COL6A5: variants seen among roughly 807,000 people sequenced by gnomAD.
The protein encoded by COL6A5 is collagen alpha-5(VI) chain.
In COL6A5, 48 loss-of-function variants were observed where a neutral mutation model predicts 65.6. That is an observed-to-expected ratio of 0.73 (90% CI 0.58 to 0.93). The LOEUF is 0.93. Ranked by LOEUF, COL6A5 falls within the 40% of genes least tolerant of loss-of-function variation. The pLI, the probability that COL6A5 is intolerant of heterozygous loss-of-function variation, is 0.00. For synonymous variants in COL6A5, 291 were observed against 322.8 expected (o/e 0.90, Z 1.05); for missense variants, 914 against 928.3 (o/e 0.98, Z 0.20).
intron 19 of COL6A5, among the ~76,000 whole-genome samples, 155 bp downstream of exon 19, chr3:130,410,229 A>G (rs1423243012): frequency 2.6e-5 from 4 of 152,206 alleles, no homozygotes. Context: ...GTAGTAGGGT[A>G]TACTTTTAAG....
exon 29 of COL6A5, chr3:130,423,866 G>A: frequency 6.5e-7 from 1 of 1,549,792 alleles, no homozygotes; most frequent in Non-Finnish European, 8.7e-7. Context: ...GGTGAAGAGG[G>A]ATCTCGAGGA....
At chr3:130,439,339 TTGTGTGTG>T (rs5852597) in intron 1 of COL6A5, among the ~76,000 whole-genome samples, 175 bp from the exon 34 acceptor site, 4,098 of 146,040 alleles carry the variant, frequency 0.028, 59 homozygotes, top group East Asian at 0.041. Flanking sequence ...AAGCAGGGGA[TTGTGTGTG>T]TGTGTGTGTG....
chr3:130,479,440 C>CA (rs869187936), intron 7 of COL6A5, among the ~76,000 whole-genome samples: 12 of 57,014 alleles, frequency 2.1e-4, no homozygotes, highest in African/African-American at 4.9e-4. Flanking sequence ...CAAAAACAAA[C>CA]AACAACAAAC....
At chr3:130,410,382 T>G (rs1043062310) in intron 19 of COL6A5, 89 bp from the exon 20 acceptor site, 2 of 920,544 alleles carry the variant, frequency 2.2e-6, no homozygotes, top group African/African-American at 3.3e-5. Flanking sequence ...TCTGCCATTT[T>G]AATAGTGCTT....
intron 1 of COL6A5, among the ~76,000 whole-genome samples, chr3:130,435,088 C>T (rs1428408080): frequency 6.6e-6 from 1 of 152,108 alleles, no homozygotes; most frequent in African/African-American, 2.4e-5. Context: ...ACGTTTAAGT[C>T]TTTAATCCAT....
At position 130,452,797 on chromosome 3, in the gene COL6A5, C is replaced by A. The variant is rs139561970; in HGVS notation, c.1333-2658C>A. ...CTGGGAGCACTATGGGAGACTGGGGCTTATTTCATCCCTACAGTTTCGACC... is the reference window on the plus strand; with the variant it reads ...CTGGGAGCACTATGGGAGACTGGGGATTATTTCATCCCTACAGTTTCGACC... On this transcript the variant is annotated intron_variant, in intron 4 of 7. Coordinates refer to ENST00000512836, the Ensembl canonical transcript of COL6A5. 5.1e-3 allele frequency among the ~76,000 whole-genome samples: 780 copies of A among 152,250 alleles called. 10 individuals carry two copies. Among genetic ancestry groups the A allele is most frequent in the African/African-American group, 0.017 (724 of 41,550 alleles).
intron 7 of COL6A5, chr3:130,477,107 G>C (rs969648462): frequency 1.3e-6 from 2 of 1,489,884 alleles, no homozygotes; most frequent in African/African-American, 2.8e-5. Context: ...CAATACTTTC[G>C]TCATAGTGAT....
intron 7 of COL6A5, among the ~76,000 whole-genome samples, chr3:130,478,684 G>A (rs1280224114): frequency 3.3e-5 from 5 of 152,006 alleles, no homozygotes; most frequent in East Asian, 1.9e-4. Flanking sequence ...AGGTATGTGG[G>A]GTGGGGTGCA....
chr3:130,416,778 G>C, exon 24 of COL6A5: 10 of 1,535,678 alleles, frequency 6.5e-6, no homozygotes, highest in Non-Finnish European at 8.8e-6. Flanking sequence ...GCTAATGGGA[G>C]CTAAAGGGAG....
At position 130,406,340 on chromosome 3, in the gene COL6A5, A is replaced by G. The variant is rs1392672523; in HGVS notation, c.4479+19A>G. The G allele has an allele frequency of 2.6e-6, 4 of 1,534,112 alleles. No individual in the cohort carries two copies. Among genetic ancestry groups the G allele is most frequent in the South Asian group, 2.4e-5 (2 of 83,486 alleles). On this transcript the variant is annotated intron_variant and NMD_transcript_variant, in intron 17 of 41. Coordinates refer to the COL6A5 transcript ENST00000312481. ...ATCTCAGGTAACACTTTTCTTTTCA[A>G]TACTTCAAAGAAGGAGAATTTGGTG...
intron 25 of COL6A5, 26 bp from the exon 26 acceptor site, chr3:130,421,127 T>C: frequency 6.5e-7 from 1 of 1,547,926 alleles, no homozygotes; most frequent in Non-Finnish European, 8.7e-7. Context: ...TTTGAGAAAT[T>C]GAAAAAAACT....
chr3:130,457,242 T>C (rs2107602174), intron 5 of COL6A5, among the ~76,000 whole-genome samples: 1 of 152,100 alleles, frequency 6.6e-6, no homozygotes, highest in Middle Eastern at 3.4e-3. Flanking sequence ...GAAGAGGTGT[T>C]TTGGTAGAGG....
intron 6 of COL6A5, among the ~76,000 whole-genome samples, chr3:130,390,565 G>A (rs2107652503): frequency 6.6e-6 from 1 of 152,228 alleles, no homozygotes; most frequent in East Asian, 1.9e-4. Flanking sequence ...TTTGGGGTCA[G>A]GGAAAAGGTG....
At chr3:130,433,422 T>C (rs190497153) in intron 1 of COL6A5, among the ~76,000 whole-genome samples, 198 of 152,330 alleles carry the variant, frequency 1.3e-3, no homozygotes, top group Non-Finnish European at 2.3e-3. Context: ...ATTTGCATCA[T>C]ATCTACAGAG....
chr3:130,373,813 G>C, intron 2 of COL6A5, 108 bp downstream of exon 2: 1 of 732,118 alleles, frequency 1.4e-6, no homozygotes, highest in East Asian at 2.8e-5. Context: ...AAAGTATGCA[G>C]CATTTAGTAA....
chr3:130,461,978 GC>G (rs948358563), intron 5 of COL6A5, among the ~76,000 whole-genome samples: 17 of 151,908 alleles, frequency 1.1e-4, no homozygotes, highest in African/African-American at 4.1e-4. Context: ...TCATCTAAAT[GC>G]CACCTAGAAA....
At chr3:130,397,466 A>G (rs1936641712) in intron 8 of COL6A5, 117 bp from the exon 9 acceptor site, 4 of 676,762 alleles carry the variant, frequency 5.9e-6, no homozygotes, top group Non-Finnish European at 7.5e-6. Context: ...CTTGAACACT[A>G]TTTGGGGACT....
chr3:130,466,501 G>A (rs1256929017), intron 5 of COL6A5, among the ~76,000 whole-genome samples: 1 of 151,900 alleles, frequency 6.6e-6, no homozygotes, highest in African/African-American at 2.4e-5. Context: ...AGCATTAAAT[G>A]CCTATATTGA....
At chr3:130,448,097 G>T (rs1028424158) in intron 4 of COL6A5, among the ~76,000 whole-genome samples, 4 of 152,126 alleles carry the variant, frequency 2.6e-5, no homozygotes, top group Admixed American at 2.6e-4. Flanking sequence ...GAAGTATTCT[G>T]CACCAAGCCT....
Sources: gnomAD v4.1 joint callset for allele counts (sites outside exome capture counted in the v4.1 genomes callset) on GRCh38, gnomAD v4.1.1 for gene constraint, MANE v1.5 for transcripts, NCBI Gene and HGNC (gene_info 2026-07-23, HGNC 2026-07-21) for gene names.